STK33: variants seen among roughly 807,000 people sequenced by gnomAD.
The protein encoded by STK33 is serine/threonine-protein kinase 33.
A neutral mutation model predicts 58.0 loss-of-function variants in STK33; 52 were observed. The observed-to-expected ratio is 0.90, with a 90% CI of 0.72 to 1.13. The LOEUF (loss-of-function observed/expected upper bound fraction) is 1.13, where lower values mean the gene tolerates loss of function less well. Among genes scored for constraint, STK33 ranks in the 50% most tolerant of loss-of-function variants. The probability of loss-of-function intolerance (pLI) is 0.00; values close to 1 mark genes in which losing one functional copy is unlikely to be tolerated. For synonymous variants in STK33, 215 were observed against 200.1 expected (o/e 1.07, Z -0.63); for missense variants, 630 against 604.2 (o/e 1.04, Z -0.45).
At chr11:8,491,897 G>A (rs1229281806) in intron 1 of STK33, among the ~76,000 whole-genome samples, 1 of 152,174 alleles carries the variant, frequency 6.6e-6, no homozygotes, top group African/African-American at 2.4e-5. Flanking sequence ...CAAATGCTGA[G>A]AGATTTTGTC....
intron 1 of STK33, among the ~76,000 whole-genome samples, chr11:8,485,280 A>G (rs1591420550): frequency 6.6e-6 from 1 of 152,314 alleles, no homozygotes; most frequent in African/African-American, 2.4e-5. Flanking sequence ...TCTTCTGCAA[A>G]AATTGTAAGT....
intron 15 of STK33, among the ~76,000 whole-genome samples, chr11:8,400,387 G>T (rs1169912923): frequency 1.3e-5 from 2 of 152,194 alleles, no homozygotes; most frequent in Non-Finnish European, 2.9e-5. Flanking sequence ...TATCTCAATA[G>T]ATGCAGAAAA....
At chr11:8,356,328 G>T in the STK33 span, among the ~76,000 whole-genome samples, 1 of 152,162 alleles carries the variant, frequency 6.6e-6, no homozygotes, top group East Asian at 1.9e-4. Flanking sequence ...GACCCAGGTG[G>T]CACTGGGCCT....
intron 1 of STK33, among the ~76,000 whole-genome samples, chr11:8,550,716 T>C (rs1956244779): frequency 6.6e-6 from 1 of 152,338 alleles, no homozygotes. Context: ...CATTTCCATC[T>C]GAGACCACCT....
intron 1 of STK33, among the ~76,000 whole-genome samples, chr11:8,504,410 A>T (rs1951727927): frequency 6.6e-6 from 1 of 152,216 alleles, no homozygotes; most frequent in Non-Finnish European, 1.5e-5. Flanking sequence ...AATGTGCTAA[A>T]GCTGGCCTGT....
chr11:8,386,058 C>T, the STK33 span, among the ~76,000 whole-genome samples: 1 of 152,230 alleles, frequency 6.6e-6, no homozygotes, highest in African/African-American at 2.4e-5. Flanking sequence ...CAGGCGTGAG[C>T]CACCGCGCCC....
chr11:8,564,973 G>C (rs1246948661), intron 1 of STK33, among the ~76,000 whole-genome samples: 1 of 152,152 alleles, frequency 6.6e-6, no homozygotes, highest in Non-Finnish European at 1.5e-5. Context: ...TAAAAATAAA[G>C]TGACAAAAGT....
At chr11:8,555,821 T>C (rs150618780) in intron 1 of STK33, among the ~76,000 whole-genome samples, 122 of 152,198 alleles carry the variant, frequency 8.0e-4, no homozygotes, top group African/African-American at 2.7e-3. Context: ...TCCATAAATG[T>C]ATACAATTAT....
At chr11:8,398,180 T>C (rs1849715372) in intron 15 of STK33, among the ~76,000 whole-genome samples, 1 of 151,980 alleles carries the variant, frequency 6.6e-6, no homozygotes, top group Non-Finnish European at 1.5e-5. Context: ...AAAGTTGAAA[T>C]GAAGGAAAAA....
chr11:8,594,084 G>C lies in STK33; in HGVS notation c.-467C>G, dbSNP rs1050486761. ...CCAGTGACTCCAGGGACCACTCACC[G>C]CGGCCGGCGGACTGGCGGGTCTCCG... On this transcript the variant is annotated splice_region_variant and 5_prime_UTR_variant, in exon 1 of 16. Transcript: ENST00000687296. 1 of 152,314 alleles carries C rather than the reference G, an allele frequency of 6.6e-6. No individual in the cohort carries two copies. The highest frequency in any genetic ancestry group is 1.5e-5 in the Non-Finnish European group (1 of 68,118). 9.4% of individuals were successfully genotyped at this position (152,314 alleles called of 1,614,324 possible).
chr11:8,344,605 G>C, the STK33 span, among the ~76,000 whole-genome samples: 2 of 152,170 alleles, frequency 1.3e-5, no homozygotes, highest in Non-Finnish European at 2.9e-5. Context: ...TTCAAACGCA[G>C]ACAGCCTGGT....
At chr11:8,502,592 T>C (rs1951599755) in intron 1 of STK33, among the ~76,000 whole-genome samples, 1 of 152,082 alleles carries the variant, frequency 6.6e-6, no homozygotes, top group Middle Eastern at 3.4e-3. Context: ...ATGATAAAGA[T>C]GCCAAAAGCA....
At chr11:8,494,891 T>C (rs528202977) in intron 1 of STK33, among the ~76,000 whole-genome samples, 3 of 152,306 alleles carry the variant, frequency 2.0e-5, no homozygotes, top group African/African-American at 7.2e-5. Context: ...TGGTTAGCCA[T>C]ATGTAGAAAG....
intron 1 of STK33, among the ~76,000 whole-genome samples, chr11:8,537,393 G>A (rs112151771): frequency 0.013 from 2,039 of 151,942 alleles, 26 homozygotes; most frequent in Non-Finnish European, 0.02. Flanking sequence ...CCTGGCCCCC[G>A]CCTTTTTTAA....
At chr11:8,428,702 C>T (rs7129564) in intron 14 of STK33, among the ~76,000 whole-genome samples, 90,224 of 151,644 alleles carry the variant, frequency 0.59, 27,505 homozygotes, top group South Asian at 0.71. Context: ...AACAATACAA[C>T]ATTGCTGAAT....
intron 1 of STK33, among the ~76,000 whole-genome samples, chr11:8,571,159 G>A (rs1264613989): frequency 6.6e-6 from 1 of 152,180 alleles, no homozygotes; most frequent in Non-Finnish European, 1.5e-5. Flanking sequence ...GCTTAGTTGA[G>A]GGTAAGAGCT....
chr11:8,586,192 G>A (rs2031573983), intron 1 of STK33, among the ~76,000 whole-genome samples: 2 of 148,082 alleles, frequency 1.4e-5, no homozygotes, highest in Non-Finnish European at 1.5e-5. Context: ...ACTCTAGCCT[G>A]GTCAAGAGAG....
intron 15 of STK33, among the ~76,000 whole-genome samples, chr11:8,409,453 T>C (rs1207189532): frequency 6.6e-6 from 1 of 152,150 alleles, no homozygotes; most frequent in African/African-American, 2.4e-5. Flanking sequence ...CCAACATTAG[T>C]AGGATGAGAA....
In STK33 at chr11:8,440,699, A is replaced by C; in HGVS notation, c.926T>G (p.Ile309Arg). ...DYSQQCDIWS[I>R]GVVMYMLLRG... ...TTACAACATGTACATTACGACGCCT[A>C]TGCTCCAAATGTCACACTGCTGGCT... The change falls in exon 12 of 16, where the codon ATA (isoleucine) becomes AGA (arginine). Residue 309 changes from isoleucine (I) to arginine (R), a missense_variant. Coordinates refer to ENST00000687296, the MANE Select transcript of STK33 (RefSeq NM_001352389.2). 6.4e-7 allele frequency: 1 copy of C among 1,569,066 alleles called. No individual in the cohort carries two copies. The highest frequency in any genetic ancestry group is 8.7e-7 in the Non-Finnish European group (1 of 1,154,796).
Sources: gnomAD v4.1 joint callset for allele counts (sites outside exome capture counted in the v4.1 genomes callset) on GRCh38, gnomAD v4.1.1 for gene constraint, MANE v1.5 for transcripts, NCBI Gene and HGNC (gene_info 2026-07-23, HGNC 2026-07-21) for gene names.